ZNF710: variants seen among roughly 807,000 people sequenced by gnomAD.
ZNF710 encodes the protein zinc finger protein 710.
A neutral mutation model predicts 50.6 loss-of-function variants in ZNF710; 13 were observed. That is an observed-to-expected ratio of 0.26 (90% CI 0.17 to 0.41). The LOEUF (loss-of-function observed/expected upper bound fraction) is 0.41, where lower values mean the gene tolerates loss of function less well. ZNF710 is among the 10% of genes least tolerant of loss of function. The pLI is 1.00. For synonymous variants in ZNF710, 383 were observed against 397.0 expected (o/e 0.96, Z 0.42); for missense variants, 721 against 936.6 (o/e 0.77, Z 3.01).
At chr15:90,061,264 G>A (rs1301510476) in intron 1 of ZNF710, among the ~76,000 whole-genome samples, 1 of 152,136 alleles carries the variant, frequency 6.6e-6, no homozygotes, top group African/African-American at 2.4e-5. Context: ...TTCGCCTCCT[G>A]GGCTCAAGCG....
Position 90,068,206 on chromosome 15 carries a change from C to T in ZNF710, c.1069C>T (p.His357Tyr), listed in dbSNP as rs752059162. 1 of 1,613,912 alleles carries T rather than the reference C, an allele frequency of 6.2e-7. No homozygotes were observed. The highest frequency in any genetic ancestry group is 8.5e-7 in the Non-Finnish European group (1 of 1,180,016). Residue 357 changes from histidine (H) to tyrosine (Y), a missense_variant, in exon 2 of 5, where the codon CAC becomes TAC. Around this residue, in one of 3 missense-constraint regions of ZNF710, gnomAD observed 326 missense variants for 522.0 expected, o/e 0.62. Coordinates refer to ENST00000268154, the MANE Select transcript of ZNF710 (RefSeq NM_198526.4). This position sits in a 1 kb window ranked among gnomAD's most constrained non-coding sequence, Gnocchi z 5.0. ...CCGGCCCCACAAGTGCCAGGTATGC[C>T]ACAAGGCCTTCACGCAGACCAGCCA... ...GTRPHKCQVC[H>Y]KAFTQTSHLK...
At chr15:90,052,509 G>A (rs1899676642) in intron 1 of ZNF710, among the ~76,000 whole-genome samples, 1 of 152,208 alleles carries the variant, frequency 6.6e-6, no homozygotes, top group African/African-American at 2.4e-5. Flanking sequence ...GGAAGAAGAG[G>A]AGTAAATGGG....
chr15:90,044,459 AG>A (rs2151499511), intron 1 of ZNF710, among the ~76,000 whole-genome samples: 1 of 152,330 alleles, frequency 6.6e-6, no homozygotes, highest in East Asian at 1.9e-4. Flanking sequence ...ACACGACACA[AG>A]CTGGACCGAC....
chr15:90,012,290 A>ATTTTT lies in ZNF710; in HGVS notation c.-29+10697_-29+10701dup, dbSNP rs1026567607. 1.6e-3 allele frequency among the ~76,000 whole-genome samples: 153 copies of ATTTTT among 94,558 alleles called. 4 individuals carry two copies. The highest frequency in any genetic ancestry group is 3.8e-3 in the African/African-American group (83 of 21,798). The allele number at this position is 94,558 out of a possible 152,430, so 62.0% of individuals were successfully genotyped here. A position where few individuals can be genotyped will look rare whatever the true frequency, so the allele number is the denominator to read the frequency against. Reference sequence around the variant, plus strand: ...TTCTCTGTGGTTGTTTTGAGTGTGCATTTTTTTTTTTTTTTTTTTTTTTTT... The same window carrying ATTTTT: ...TTCTCTGTGGTTGTTTTGAGTGTGCATTTTTTTTTTTTTTTTTTTTTTTTTTTTTT... On this transcript the variant is annotated intron_variant, in intron 1 of 4. Coordinates refer to ENST00000268154, the MANE Select transcript of ZNF710 (RefSeq NM_198526.4).
chr15:90,063,066 G>A lies in ZNF710; in HGVS notation c.-28-4044G>A, dbSNP rs1017993537. On this transcript the variant is annotated intron_variant, in intron 1 of 4. Transcript: ENST00000268154. The stretch of plus-strand genomic sequence containing the variant: ...AGGAGAGACCCCAGTTCCCCCAGCC[G>A]GCTGGGGCCCTGGACCAGCCAGCCA... 9.2e-5 allele frequency among the ~76,000 whole-genome samples: 14 copies of A among 152,192 alleles called. No homozygotes were observed. In the South Asian group the frequency reaches 1.7e-3, roughly 18 times the overall value.
chr15:90,002,962 CT>C (rs1337848722), intron 1 of ZNF710, among the ~76,000 whole-genome samples: 1 of 152,164 alleles, frequency 6.6e-6, no homozygotes, highest in Non-Finnish European at 1.5e-5. Flanking sequence ...CAGCCTCCGT[CT>C]CCCGGGTTCA....
intron 1 of ZNF710, among the ~76,000 whole-genome samples, chr15:90,037,833 C>T (rs1455102527): frequency 6.6e-6 from 1 of 152,184 alleles, no homozygotes; most frequent in Admixed American, 6.5e-5. Context: ...GAGCAGTGGG[C>T]CTAAGCATAG....
Position 90,039,674 on chromosome 15 carries a change from G to A in ZNF710, c.-28-27436G>A, listed in dbSNP as rs117878474. On this transcript the variant is annotated intron_variant, in intron 1 of 4. Transcript: ENST00000268154. ...CCAAGCTGCTTGCCCCACCCCTAAT[G>A]GCCATAAACTGTCACTGGGTCATTT... 7.9e-3 allele frequency among the ~76,000 whole-genome samples: 1,204 copies of A among 152,218 alleles called. 5 individuals carry two copies. Among genetic ancestry groups the A allele is most frequent in the South Asian group, 0.023 (111 of 4,818 alleles).
intron 1 of ZNF710, chr15:90,006,903 G>A (rs1471229958): frequency 1.3e-5 from 2 of 154,790 alleles, no homozygotes; most frequent in African/African-American, 4.8e-5. Flanking sequence ...TTTGCTGGGA[G>A]CTCATTGGGT....
At chr15:90,047,221 A>G (rs1267518439) in intron 1 of ZNF710, among the ~76,000 whole-genome samples, 2 of 152,202 alleles carry the variant, frequency 1.3e-5, no homozygotes, top group Non-Finnish European at 2.9e-5. Flanking sequence ...AAGAACTGGC[A>G]TCAAGGAGTC....
chr15:90,005,075 G>C (rs193087240), intron 1 of ZNF710, among the ~76,000 whole-genome samples: 1 of 152,348 alleles, frequency 6.6e-6, no homozygotes, highest in South Asian at 2.1e-4. Flanking sequence ...GAGAAGGAGT[G>C]TAAGGACCCA....
intron 1 of ZNF710, among the ~76,000 whole-genome samples, chr15:90,032,294 A>C (rs1289443727): frequency 6.6e-6 from 1 of 152,304 alleles, no homozygotes; most frequent in Non-Finnish European, 1.5e-5. Context: ...CACTGTGTCC[A>C]GCCACTGTGA....
At chr15:90,001,303 C>T (rs1187698822), upstream of ZNF710, 1 of 152,216 alleles carries the variant, frequency 6.6e-6, no homozygotes, top group African/African-American at 2.4e-5. Context: ...GATAAAAGGG[C>T]TGCTTTTCTG....
At position 90,067,425 on chromosome 15, in the gene ZNF710, G is replaced by C. The variant is rs1459893878; in HGVS notation, c.288G>C (p.Arg96=). 2 of 1,603,858 alleles carry C rather than the reference G, an allele frequency of 1.2e-6. No individual in the cohort carries two copies. Among genetic ancestry groups the C allele is most frequent in the African/African-American group, 1.3e-5 (1 of 74,918 alleles). Residue 96 remains arginine (R), a synonymous_variant, in exon 2 of 5, where the codon CGG becomes CGC. Transcript: ENST00000268154. This position sits in a 1 kb window ranked among gnomAD's most constrained non-coding sequence, Gnocchi z 8.1. ...EVEAACEKHT[R]RKTRPPVRLV... ...AGGCAGCCTGTGAGAAGCACACCCGGCGGAAGACGCGGCCACCTGTGCGGT... is the reference window on the plus strand; with the variant it reads ...AGGCAGCCTGTGAGAAGCACACCCGCCGGAAGACGCGGCCACCTGTGCGGT...
At chr15:90,000,999 G>A (rs186809342), upstream of ZNF710, among the ~76,000 whole-genome samples, 12 of 151,814 alleles carry the variant, frequency 7.9e-5, no homozygotes, top group South Asian at 1.3e-3. Context: ...AAAAAAAAGA[G>A]AGAGAGAGAA....
chr15:90,022,001 G>C (rs1052583048), intron 1 of ZNF710, among the ~76,000 whole-genome samples: 2 of 152,176 alleles, frequency 1.3e-5, no homozygotes, highest in Non-Finnish European at 2.9e-5. Context: ...AGAATCGCTT[G>C]AACCAGGGAG....
chr15:90,011,121 G>A (rs1446003830), intron 1 of ZNF710, among the ~76,000 whole-genome samples: 1 of 151,898 alleles, frequency 6.6e-6, no homozygotes, highest in East Asian at 1.9e-4. Flanking sequence ...GTAGAGATGG[G>A]GTTTCACCAT....
At position 90,037,989 on chromosome 15, in the gene ZNF710, C is replaced by T. The variant is rs367945534; in HGVS notation, c.-28-29121C>T. 2.6e-5 allele frequency among the ~76,000 whole-genome samples: 4 copies of T among 152,326 alleles called. No homozygotes were observed. In the East Asian group the frequency reaches 7.7e-4, roughly 29 times the overall value. On this transcript the variant is annotated intron_variant, in intron 1 of 4. Transcript: ENST00000268154. Reference sequence around the variant, plus strand: ...TACTCCCCTTTAACCACAGGCCTGGCCTTCCAGCCAGGGTGCTGTACCAAA... The same window carrying T: ...TACTCCCCTTTAACCACAGGCCTGGTCTTCCAGCCAGGGTGCTGTACCAAA...
chr15:90,034,841 C>T lies in ZNF710; in HGVS notation c.-28-32269C>T, dbSNP rs1351531248. Among the ~76,000 whole-genome samples, 1 of 152,178 alleles carries T rather than the reference C, an allele frequency of 6.6e-6. No homozygotes were observed. The highest frequency in any genetic ancestry group is 1.5e-5 in the Non-Finnish European group (1 of 68,036). ...GGGACTTAGACCTCTTCCACATCGCCCCAAGGTCGGGCTGAAGAGATTTGG... is the reference window on the plus strand; with the variant it reads ...GGGACTTAGACCTCTTCCACATCGCTCCAAGGTCGGGCTGAAGAGATTTGG... On this transcript the variant is annotated intron_variant, in intron 1 of 4. Coordinates refer to ENST00000268154, the MANE Select transcript of ZNF710 (RefSeq NM_198526.4). This position sits in a 1 kb window ranked among gnomAD's most constrained non-coding sequence, Gnocchi z 4.0.
Sources: allele counts gnomAD v4.1 joint callset (sites outside exome capture counted in the v4.1 genomes callset), GRCh38; gene constraint gnomAD v4.1.1; regional missense constraint gnomAD v4.1.1; non-coding constraint Gnocchi (gnomAD v3.1); transcripts MANE v1.5; gene names NCBI Gene and HGNC (gene_info 2026-07-23, HGNC 2026-07-21).